ZC3H12D: variants seen among roughly 807,000 people sequenced by gnomAD.
ZC3H12D encodes the protein probable ribonuclease ZC3H12D.
In ZC3H12D, 11 loss-of-function variants were observed where a neutral mutation model predicts 24.2. The observed-to-expected ratio is 0.46, with a 90% CI of 0.29 to 0.75. ZC3H12D has a LOEUF of 0.75. ZC3H12D is among the 30% of genes least tolerant of loss of function. The pLI is 0.11. For synonymous variants in ZC3H12D, 333 were observed against 341.8 expected (o/e 0.97, Z 0.28); for missense variants, 740 against 767.7 (o/e 0.96, Z 0.43).
intron 1 of ZC3H12D, chr6:149,483,304 T>G (rs1471791457): frequency 6.6e-6 from 1 of 152,192 alleles, no homozygotes; most frequent in Non-Finnish European, 1.5e-5. Context: ...TTTGTAAATT[T>G]TTTTAATTTT....
chr6:149,472,450 G>C (rs1183516502), intron 2 of ZC3H12D, among the ~76,000 whole-genome samples: 3 of 151,710 alleles, frequency 2.0e-5, no homozygotes, highest in Admixed American at 2.0e-4. Context: ...TTTATGCTCT[G>C]ACACATTCTT....
intron 2 of ZC3H12D, among the ~76,000 whole-genome samples, chr6:149,468,474 C>G (rs1379983954): frequency 1.3e-5 from 2 of 152,206 alleles, no homozygotes; most frequent in African/African-American, 4.8e-5. Context: ...AGGCTAGGGG[C>G]TCCCAAAGCA....
chr6:149,461,055 T>C (rs1776064661), intron 3 of ZC3H12D, among the ~76,000 whole-genome samples: 1 of 151,980 alleles, frequency 6.6e-6, no homozygotes, highest in South Asian at 2.1e-4. Flanking sequence ...GAATTAAAAA[T>C]GAAGAGGCTG....
chr6:149,455,497 T>A (rs1775964983), intron 4 of ZC3H12D, among the ~76,000 whole-genome samples: 1 of 152,220 alleles, frequency 6.6e-6, no homozygotes, highest in African/African-American at 2.4e-5. Context: ...CCCAGCTGGC[T>A]GTGCTCTGTC....
rs1775995224 is a variant in ZC3H12D at position 149,456,978 on chromosome 6, C to CCGCTTCCCGGG, written c.446-89_446-79dup. ...AGAACCACCCCCAACGCGAGGCCAC[C>CCGCTTCCCGGG]CGCTTCCCGGGCCGGTCAGATGAGG... is the stretch of plus-strand genomic sequence containing the variant. On this transcript the variant is annotated intron_variant, in intron 3 of 5. Coordinates refer to ENST00000409806, the MANE Select transcript of ZC3H12D (RefSeq NM_207360.3). This position sits in a 1 kb window ranked among gnomAD's most constrained non-coding sequence, Gnocchi z 4.3. 1 of 1,416,808 alleles carries CCGCTTCCCGGG rather than the reference C, an allele frequency of 7.1e-7. No homozygotes were observed. The allele number at this position is 1,416,808 out of a possible 1,614,324, so 87.8% of individuals were successfully genotyped here.
chr6:149,465,597 AC>A (rs1258254812), intron 2 of ZC3H12D, among the ~76,000 whole-genome samples: 1 of 152,000 alleles, frequency 6.6e-6, no homozygotes, highest in Non-Finnish European at 1.5e-5. Flanking sequence ...TACTAAAAAT[AC>A]AAAAAATTTA....
intron 2 of ZC3H12D, among the ~76,000 whole-genome samples, chr6:149,472,704 A>G (rs1275171779): frequency 6.6e-6 from 1 of 152,046 alleles, no homozygotes; most frequent in Non-Finnish European, 1.5e-5. Context: ...GGGACTGGGC[A>G]TGTTTTTTGT....
chr6:149,476,318 A>T (rs1776339810), intron 1 of ZC3H12D, among the ~76,000 whole-genome samples: 1 of 152,218 alleles, frequency 6.6e-6, no homozygotes, highest in South Asian at 2.1e-4. Flanking sequence ...CGGCCTGGCC[A>T]ACATGGCGAA....
intron 1 of ZC3H12D, among the ~76,000 whole-genome samples, chr6:149,476,124 A>C (rs1169162649): frequency 6.6e-6 from 1 of 152,138 alleles, no homozygotes; most frequent in Admixed American, 6.5e-5. Flanking sequence ...GATAAACACA[A>C]ATATTGTTTT....
intron 3 of ZC3H12D, among the ~76,000 whole-genome samples, chr6:149,457,813 C>T (rs1447288115): frequency 6.6e-6 from 1 of 152,126 alleles, no homozygotes; most frequent in Non-Finnish European, 1.5e-5. Context: ...ATAATAATTA[C>T]TCAGGTCCCT....
intron 3 of ZC3H12D, chr6:149,459,412 G>T: frequency 1.7e-6 from 1 of 581,352 alleles, no homozygotes; most frequent in Non-Finnish European, 3.1e-6. Flanking sequence ...GGGGACAGCA[G>T]CAAACCCAGG....
chr6:149,483,715 G>A (rs1776458605), intron 1 of ZC3H12D, among the ~76,000 whole-genome samples: 1 of 151,998 alleles, frequency 6.6e-6, no homozygotes, highest in South Asian at 2.1e-4. Flanking sequence ...GGCTGGCAGG[G>A]TTTTTTTTAT....
intron 2 of ZC3H12D, among the ~76,000 whole-genome samples, chr6:149,468,646 C>T (rs1776197968): frequency 6.6e-6 from 1 of 152,162 alleles, no homozygotes; most frequent in South Asian, 2.1e-4. Flanking sequence ...GATCTCTCCC[C>T]AGCTCAAGGC....
At chr6:149,473,464 G>C (rs1354253042) in intron 2 of ZC3H12D, among the ~76,000 whole-genome samples, 1 of 152,178 alleles carries the variant, frequency 6.6e-6, no homozygotes, top group Non-Finnish European at 1.5e-5. Context: ...CACTTGTTTG[G>C]GCAACGCCCC....
At chr6:149,463,432 C>T (rs907876421) in intron 2 of ZC3H12D, among the ~76,000 whole-genome samples, 21 of 152,192 alleles carry the variant, frequency 1.4e-4, no homozygotes, top group African/African-American at 3.9e-4. Context: ...AATCTGAGGC[C>T]GGGCGTGGTG....
intron 2 of ZC3H12D, among the ~76,000 whole-genome samples, chr6:149,464,268 G>A (rs746734995): frequency 1.4e-4 from 22 of 152,310 alleles, no homozygotes; most frequent in South Asian, 2.1e-4. Context: ...GTCACCAAAC[G>A]CTGCTCCAAG....
chr6:149,462,930 T>A (rs1035206488), intron 2 of ZC3H12D, among the ~76,000 whole-genome samples: 1 of 152,180 alleles, frequency 6.6e-6, no homozygotes, highest in African/African-American at 2.4e-5. Flanking sequence ...TGGACTGGCT[T>A]CCTTGCTCCT....
At position 149,456,630 on chromosome 6, in the gene ZC3H12D, C is replaced by CCCCCCCCCCGGGG; in HGVS notation, c.680+35_680+36insCCCCGGGGGGGGG. 1.4e-6 allele frequency: 2 copies of CCCCCCCCCCGGGG among 1,426,540 alleles called. No homozygotes were observed. The highest frequency in any genetic ancestry group is 2.0e-6 in the Non-Finnish European group (2 of 1,016,150). The allele number at this position is 1,426,540 out of a possible 1,614,324, so 88.4% of individuals were successfully genotyped here. Reference sequence around the variant, plus strand: ...CCTCGACCCCGGCCCCCCGCCCCGCCGCCCCCCAGGGTGTCAGGACCCCAG... The same window carrying CCCCCCCCCCGGGG: ...CCTCGACCCCGGCCCCCCGCCCCGCCCCCCCCCCCGGGGGCCCCCCAGGGTGTCAGGACCCCAG... On this transcript the variant is annotated intron_variant, in intron 4 of 5. Coordinates refer to ENST00000409806, the MANE Select transcript of ZC3H12D (RefSeq NM_207360.3). The surrounding 1 kb of genome is among the most constrained non-coding windows in gnomAD (Gnocchi z 4.3).
At chr6:149,455,113 G>C (rs531006150) in intron 4 of ZC3H12D, among the ~76,000 whole-genome samples, 1 of 152,334 alleles carries the variant, frequency 6.6e-6, no homozygotes, top group African/African-American at 2.4e-5. Context: ...CTCCCAGCCA[G>C]TAAGTGGCAG....
Sources: gnomAD v4.1 joint callset for allele counts (sites outside exome capture counted in the v4.1 genomes callset) on GRCh38, gnomAD v4.1.1 for gene constraint, Gnocchi (gnomAD v3.1) non-coding constraint, MANE v1.5 for transcripts, NCBI Gene and HGNC (gene_info 2026-07-23, HGNC 2026-07-21) for gene names.